The following TSACC variants were observed in gnomAD, a reference collection of about 807,000 sequenced individuals.
TSACC encodes the protein TSSK6 activating cochaperone.
In TSACC, 3 loss-of-function variants were observed where a neutral mutation model predicts 6.9. The observed-to-expected ratio is 0.43, with a 90% CI of 0.20 to 1.12. The LOEUF (loss-of-function observed/expected upper bound fraction) is 1.12. Ranked by LOEUF, TSACC falls within the 50% of genes most tolerant of loss-of-function variation. TSACC has a pLI of 0.28. For synonymous variants in TSACC, 54 were observed against 55.1 expected (o/e 0.98, Z 0.09); for missense variants, 137 against 143.9 (o/e 0.95, Z 0.24).
In TSACC at chr1:156,340,610, C is replaced by T. The variant is rs1254827508; in HGVS notation, c.34+819C>T. Among the ~76,000 whole-genome samples the T allele has an allele frequency of 2.0e-5, 3 of 151,956 alleles. No individual in the cohort carries two copies. The East Asian group carries it at 5.8e-4, about 29-fold the overall frequency. On this transcript the variant is annotated intron_variant, in intron 2 of 3. Coordinates refer to ENST00000368254, the MANE Select transcript of TSACC (RefSeq NM_001304817.2). ...CCGAGTAGCTGGGATTGCAGGCGTGCACCCCCACGCCCAGCTAATTTTGTA... is the reference window on the plus strand; with the variant it reads ...CCGAGTAGCTGGGATTGCAGGCGTGTACCCCCACGCCCAGCTAATTTTGTA...
chr1:156,341,698 C>T (rs1406322585), intron 2 of TSACC, among the ~76,000 whole-genome samples: 2 of 152,112 alleles, frequency 1.3e-5, no homozygotes, highest in African/African-American at 4.8e-5. Flanking sequence ...AATTAAAAAA[C>T]AATTTTTAAT....
intron 1 of TSACC, among the ~76,000 whole-genome samples, chr1:156,339,284 C>T (rs1382055445): frequency 6.7e-6 from 1 of 149,096 alleles, no homozygotes; most frequent in African/African-American, 2.4e-5. Context: ...AAAAAGTATT[C>T]CCTGTGGTGC....
At chr1:156,337,902 G>T (rs193243044), upstream of TSACC, 1 of 551,702 alleles carries the variant, frequency 1.8e-6, no homozygotes, top group Non-Finnish European at 3.2e-6. Flanking sequence ...ACGCGGAGTG[G>T]GAAAGAGCTT....
At chr1:156,343,746 T>G (rs1666020721) in intron 2 of TSACC, among the ~76,000 whole-genome samples, 1 of 151,980 alleles carries the variant, frequency 6.6e-6, no homozygotes, top group Non-Finnish European at 1.5e-5. Flanking sequence ...TTGTTGTTGT[T>G]TCATTTTTTT....
At chr1:156,342,300 G>T (rs942090287) in intron 2 of TSACC, among the ~76,000 whole-genome samples, 2 of 152,110 alleles carry the variant, frequency 1.3e-5, no homozygotes, top group African/African-American at 4.8e-5. Context: ...TGACCTACCA[G>T]TAGAGCCTGG....
At chr1:156,343,874 G>A (rs1666027182) in intron 2 of TSACC, among the ~76,000 whole-genome samples, 1 of 152,038 alleles carries the variant, frequency 6.6e-6, no homozygotes, top group Non-Finnish European at 1.5e-5. Context: ...CCAAGTAGCT[G>A]GGACTACAAG....
chr1:156,337,921 G>A (rs1255785424), upstream of TSACC: 2 of 565,392 alleles, frequency 3.5e-6, no homozygotes. Flanking sequence ...TTCCCAAGAC[G>A]AGCACACGTC....
At chr1:156,338,282 T>G (rs531619011), upstream of TSACC, 3 of 1,238,978 alleles carry the variant, frequency 2.4e-6, no homozygotes, top group Middle Eastern at 1.9e-4. Flanking sequence ...CGCTGCCTCC[T>G]CAGGGCTTAC....
chr1:156,337,452 G>A (rs576186828), upstream of TSACC: 15 of 177,130 alleles, frequency 8.5e-5, no homozygotes, highest in Admixed American at 2.9e-4. Flanking sequence ...AAAAGGAAAA[G>A]GTGACCAGTC....
chr1:156,338,178 C>T (rs375892857), upstream of TSACC: 1 of 1,588,728 alleles, frequency 6.3e-7, no homozygotes, highest in East Asian at 2.3e-5. Context: ...GGACGATGGC[C>T]CATCATGGCG....
At chr1:156,344,469 C>A in intron 2 of TSACC, 111 bp from the exon 3 acceptor site, 2 of 1,408,106 alleles carry the variant, frequency 1.4e-6, no homozygotes, top group Non-Finnish European at 1.9e-6. Context: ...TGATATGTAA[C>A]ATATTCACGG....
At chr1:156,344,890 A>G (rs1666086413) in intron 3 of TSACC, among the ~76,000 whole-genome samples, 182 bp downstream of exon 3, 1 of 152,192 alleles carries the variant, frequency 6.6e-6, no homozygotes, top group Non-Finnish European at 1.5e-5. Flanking sequence ...AGTTCTACCA[A>G]CTTGTATTGT....
chr1:156,345,478 G>A (rs2101718374), intron 3 of TSACC, among the ~76,000 whole-genome samples: 1 of 152,156 alleles, frequency 6.6e-6, no homozygotes, highest in Non-Finnish European at 1.5e-5. Flanking sequence ...CAGGAGAATT[G>A]CTTGAACCTG....
At chr1:156,337,861 G>A (rs1665507125), upstream of TSACC, 2 of 503,810 alleles carry the variant, frequency 4.0e-6, no homozygotes, top group Non-Finnish European at 7.1e-6. Context: ...AGGGCGCAGG[G>A]GCGGGGGAAG....
At chr1:156,337,474 G>T, upstream of TSACC, 1 of 175,356 alleles carries the variant, frequency 5.7e-6, no homozygotes, top group South Asian at 9.9e-5. Flanking sequence ...AGAAATCTGG[G>T]AAAACCCAAC....
chr1:156,338,761 T>C (rs1216167216), intron 1 of TSACC, 156 bp downstream of exon 1: 1 of 154,542 alleles, frequency 6.5e-6, no homozygotes, highest in East Asian at 1.9e-4. Context: ...ACCTGCCGGC[T>C]TGGCGCAGGG....
At chr1:156,346,729 C>T in intron 3 of TSACC, 39 bp from the exon 4 acceptor site, 1 of 1,598,244 alleles carries the variant, frequency 6.3e-7, no homozygotes, top group Non-Finnish European at 8.6e-7. Context: ...AATCTCTCTC[C>T]TTTGTTCCCT....
At chr1:156,337,893 C>T, upstream of TSACC, 1 of 532,824 alleles carries the variant, frequency 1.9e-6, no homozygotes, top group Non-Finnish European at 3.3e-6. Context: ...AGGGACAGAA[C>T]GCGGAGTGGG....
chr1:156,337,780 CTAGACCTAACTGAAAAAAAAA>C, upstream of TSACC: 1 of 291,504 alleles, frequency 3.4e-6, no homozygotes, highest in Non-Finnish European at 6.4e-6. Flanking sequence ...GAATATAAAG[CTAGACCTAACTGAAAAAAAAA>C]CAAAAAAAAA....
Sources: allele counts gnomAD v4.1 joint callset (sites outside exome capture counted in the v4.1 genomes callset), GRCh38; gene constraint gnomAD v4.1.1; transcripts MANE v1.5; gene names NCBI Gene and HGNC (gene_info 2026-07-23, HGNC 2026-07-21).